The following LSAMP variants were observed in gnomAD, a reference collection of about 807,000 sequenced individuals.
The protein encoded by LSAMP is limbic system-associated membrane protein.
Under a neutral mutation model 38.6 loss-of-function variants are expected in LSAMP, and 7 were observed. That is an observed-to-expected ratio of 0.18 (90% confidence interval 0.10 to 0.34). The LOEUF (loss-of-function observed/expected upper bound fraction) is 0.34, where lower values mean the gene tolerates loss of function less well. Among genes scored for constraint, LSAMP ranks in the 10% least tolerant of loss-of-function variants. The pLI is 1.00. For missense variants in LSAMP, 313 were observed against 420.0 expected, an observed-to-expected ratio of 0.75 and a Z score of 2.23; for synonymous variants, 154 against 166.8, an observed-to-expected ratio of 0.92 and a Z score of 0.59.
chr3:115,881,602 G>T (rs1389182683), intron 3 of LSAMP, among the ~76,000 whole-genome samples: 1 of 152,072 alleles, frequency 6.6e-6, no homozygotes, highest in Non-Finnish European at 1.5e-5. Context: ...TTGTGTTCTT[G>T]GACTTGGCGG....
intron 1 of LSAMP, among the ~76,000 whole-genome samples, chr3:116,147,399 T>G (rs528310932): frequency 6.6e-6 from 1 of 152,040 alleles, no homozygotes; most frequent in Admixed American, 6.6e-5. Context: ...CTGTCATCAA[T>G]GGTATCATGG....
At chr3:116,178,472 G>C (rs1710406222) in intron 1 of LSAMP, among the ~76,000 whole-genome samples, 1 of 152,136 alleles carries the variant, frequency 6.6e-6, no homozygotes, top group African/African-American at 2.4e-5. Context: ...CCGGCCAAAA[G>C]AGATGAGATT....
chr3:116,344,561 C>T (rs1381098879), intron 1 of LSAMP, among the ~76,000 whole-genome samples: 1 of 152,078 alleles, frequency 6.6e-6, no homozygotes, highest in Admixed American at 6.6e-5. Flanking sequence ...TAGGCTCTTC[C>T]ACTCTACCTC....
At chr3:115,974,057 T>A (rs923563168) in intron 3 of LSAMP, among the ~76,000 whole-genome samples, 10 of 152,108 alleles carry the variant, frequency 6.6e-5, no homozygotes, top group African/African-American at 2.2e-4. Context: ...GTAAAATTGA[T>A]AAGATTTGGC....
intron 3 of LSAMP, among the ~76,000 whole-genome samples, chr3:115,948,942 G>C (rs1292185892): frequency 6.6e-6 from 1 of 152,144 alleles, no homozygotes; most frequent in Non-Finnish European, 1.5e-5. Flanking sequence ...AGACCAGCCT[G>C]GCCAGCATGG....
chr3:116,337,166 T>C (rs2047930656), intron 1 of LSAMP, among the ~76,000 whole-genome samples: 1 of 151,830 alleles, frequency 6.6e-6, no homozygotes, highest in Admixed American at 6.6e-5. Flanking sequence ...GGCCTGGAAG[T>C]AAGGGAATAT....
At chr3:115,979,157 T>C (rs1000466797) in intron 3 of LSAMP, among the ~76,000 whole-genome samples, 1 of 151,344 alleles carries the variant, frequency 6.6e-6, no homozygotes. Context: ...AGTGCACAGA[T>C]AGAGAGACTA....
intron 3 of LSAMP, among the ~76,000 whole-genome samples, chr3:115,933,317 A>G (rs1937611472): frequency 6.6e-6 from 1 of 152,202 alleles, no homozygotes; most frequent in Non-Finnish European, 1.5e-5. Context: ...TTGGAAGCCT[A>G]CAGCATTTGC....
chr3:115,967,418 T>C (rs1222038417), intron 3 of LSAMP, among the ~76,000 whole-genome samples: 1 of 152,168 alleles, frequency 6.6e-6, no homozygotes. Context: ...ATTTGACAAG[T>C]CTCTAGAGAG....
intron 3 of LSAMP, among the ~76,000 whole-genome samples, chr3:115,869,245 C>T (rs1468729885): frequency 7.0e-6 from 1 of 142,610 alleles, no homozygotes; most frequent in Non-Finnish European, 1.5e-5. Flanking sequence ...TCTTGGTTCC[C>T]TTCATAACCT....
chr3:116,203,071 CA>C (rs1350535120), intron 1 of LSAMP, among the ~76,000 whole-genome samples: 1 of 152,182 alleles, frequency 6.6e-6, no homozygotes, highest in African/African-American at 2.4e-5. Context: ...ATATTTTCTA[CA>C]AATAATAAGA....
chr3:115,961,209 T>C (rs777921746), intron 3 of LSAMP, among the ~76,000 whole-genome samples: 10 of 152,134 alleles, frequency 6.6e-5, no homozygotes, highest in Non-Finnish European at 1.0e-4. Flanking sequence ...TCTCATAAGA[T>C]CTTCTCATAT....
intron 1 of LSAMP, among the ~76,000 whole-genome samples, chr3:116,292,003 C>T (rs2047272822): frequency 6.6e-6 from 1 of 152,104 alleles, no homozygotes; most frequent in African/African-American, 2.4e-5. Flanking sequence ...TTTAAGATCA[C>T]CACTCAGCAA....
chr3:116,053,395 C>A (rs2107736358), intron 2 of LSAMP, among the ~76,000 whole-genome samples: 2 of 152,300 alleles, frequency 1.3e-5, no homozygotes, highest in Middle Eastern at 3.4e-3. Flanking sequence ...GGAATATAGG[C>A]AACCATGGCA....
At chr3:116,263,063 C>T (rs1256344839) in intron 1 of LSAMP, among the ~76,000 whole-genome samples, 4 of 152,188 alleles carry the variant, frequency 2.6e-5, no homozygotes, top group Non-Finnish European at 5.9e-5. Context: ...CCTGTCTGCT[C>T]TCTAATGGTC....
intron 1 of LSAMP, among the ~76,000 whole-genome samples, chr3:116,117,826 A>G (rs938824292): frequency 2.6e-5 from 4 of 152,082 alleles, no homozygotes; most frequent in Non-Finnish European, 4.4e-5. Flanking sequence ...TCTCAACATA[A>G]CTTGTCACTA....
intron 3 of LSAMP, among the ~76,000 whole-genome samples, chr3:115,928,985 T>TTA (rs1937534899): frequency 6.7e-6 from 1 of 149,688 alleles, no homozygotes; most frequent in Admixed American, 6.7e-5. Context: ...TTTTTTTTTT[T>TTA]TTTTTGCTTG....
intron 1 of LSAMP, among the ~76,000 whole-genome samples, chr3:116,175,052 A>G (rs977182253): frequency 3.9e-4 from 59 of 152,100 alleles, no homozygotes; most frequent in African/African-American, 1.4e-3. Context: ...TCTTTAATAA[A>G]TATATTCACC....
intron 6 of LSAMP, among the ~76,000 whole-genome samples, chr3:115,825,529 T>G (rs1474917585): frequency 6.6e-6 from 1 of 152,216 alleles, no homozygotes; most frequent in Non-Finnish European, 1.5e-5. Context: ...GACATTCTGC[T>G]AAATAACAGG....
Sources: allele counts gnomAD v4.1 joint callset (sites outside exome capture counted in the v4.1 genomes callset), GRCh38; gene constraint gnomAD v4.1.1; transcripts MANE v1.5; gene names NCBI Gene and HGNC (gene_info 2026-07-23, HGNC 2026-07-21).